Variants in UBE2H observed in about 807,000 individuals in gnomAD.
The protein encoded by UBE2H is ubiquitin-conjugating enzyme E2 H.
Under a neutral mutation model 29.0 loss-of-function variants are expected in UBE2H, and 3 were observed. The ratio of observed to expected loss-of-function variants is 0.10; its 90% confidence interval spans 0.05 to 0.27. The LOEUF (loss-of-function observed/expected upper bound fraction) is 0.27, where lower values mean the gene tolerates loss of function less well. Ranked by LOEUF, UBE2H falls within the 10% of genes least tolerant of loss-of-function variation. UBE2H has a pLI of 1.00. For synonymous variants in UBE2H, 69 were observed against 82.9 expected (o/e 0.83, Z 0.91); for missense variants, 68 against 228.2 (o/e 0.30, Z 4.52).
At chr7:129,912,631 C>T (rs1806960141) in intron 1 of UBE2H, among the ~76,000 whole-genome samples, 1 of 152,074 alleles carries the variant, frequency 6.6e-6, no homozygotes, top group Admixed American at 6.5e-5. Context: ...TGGAATTTTC[C>T]ACTTGTGTTA....
Position 129,872,845 on chromosome 7 carries a change from C to CAAAAAAAAA in UBE2H, c.205+6714_205+6722dup, listed in dbSNP as rs34001143. Among the ~76,000 whole-genome samples, 634 of 71,992 alleles carry CAAAAAAAAA rather than the reference C, an allele frequency of 8.8e-3. 36 individuals carry two copies. Among genetic ancestry groups the CAAAAAAAAA allele is most frequent in the Non-Finnish European group, 0.011 (458 of 40,324 alleles). The allele number at this position is 71,992 out of a possible 152,430, so 47.2% of individuals were successfully genotyped here. ...TAGGTGACAGAGCAACACTCCGTCT[C>CAAAAAAAAA]AAAAAAAAAAAAAAAAAAAAAAAAA... On this transcript the variant is annotated intron_variant, in intron 3 of 6. Coordinates refer to ENST00000355621, the MANE Select transcript of UBE2H (RefSeq NM_003344.4).
intron 1 of UBE2H, among the ~76,000 whole-genome samples, chr7:129,902,273 T>A (rs1027804681): frequency 1.3e-5 from 2 of 152,144 alleles, no homozygotes; most frequent in African/African-American, 4.8e-5. Flanking sequence ...CCGAGGCGGA[T>A]GGATCACCTG....
At chr7:129,902,661 G>A in intron 1 of UBE2H, among the ~76,000 whole-genome samples, 1 of 152,152 alleles carries the variant, frequency 6.6e-6, no homozygotes, top group Non-Finnish European at 1.5e-5. Context: ...TGTTAGAAAT[G>A]AACACACTGG....
chr7:129,871,227 G>A lies in UBE2H; in HGVS notation c.205+8341C>T, dbSNP rs1202281488. The stretch of plus-strand genomic sequence containing the variant: ...AGGTATCCAATAACTTTGTGAAACT[G>A]ATTGGAAGGATGATGTATGCCACAG... On this transcript the variant is annotated intron_variant, in intron 3 of 6. Coordinates refer to ENST00000355621, the MANE Select transcript of UBE2H (RefSeq NM_003344.4). Among the ~76,000 whole-genome samples the A allele has an allele frequency of 1.4e-4, 21 of 152,328 alleles. No homozygotes were observed. In the South Asian group the frequency reaches 4.3e-3, roughly 32 times the overall value.
chr7:129,835,119 C>T (rs1263071536), intron 6 of UBE2H, 58 bp from the exon 7 acceptor site: 27 of 1,605,628 alleles, frequency 1.7e-5, no homozygotes, highest in Middle Eastern at 1.7e-4. Flanking sequence ...TGTGCTTTGG[C>T]GACCCCAAAA....
At chr7:129,872,356 T>A (rs1806056227) in intron 3 of UBE2H, among the ~76,000 whole-genome samples, 2 of 152,134 alleles carry the variant, frequency 1.3e-5, no homozygotes, top group African/African-American at 4.8e-5. Context: ...AGACATAAGA[T>A]AAAATGGTAA....
chr7:129,909,792 A>G (rs1300114010), intron 1 of UBE2H, among the ~76,000 whole-genome samples: 2 of 152,320 alleles, frequency 1.3e-5, no homozygotes, highest in Non-Finnish European at 2.9e-5. Context: ...GACGCAATAC[A>G]AACAGTTCTA....
chr7:129,932,007 A>G (rs1807412751), intron 1 of UBE2H, among the ~76,000 whole-genome samples: 1 of 151,610 alleles, frequency 6.6e-6, no homozygotes, highest in African/African-American at 2.4e-5. Context: ...TACTTTTAGT[A>G]GAGATGGGGT....
chr7:129,861,882 C>A (rs577531008), intron 3 of UBE2H, among the ~76,000 whole-genome samples: 4 of 152,052 alleles, frequency 2.6e-5, no homozygotes, highest in Non-Finnish European at 5.9e-5. Context: ...AGCTAGACTC[C>A]GTTTCCAAAA....
At chr7:129,925,303 C>T (rs751213382) in intron 1 of UBE2H, among the ~76,000 whole-genome samples, 119 of 151,752 alleles carry the variant, frequency 7.8e-4, no homozygotes, top group Non-Finnish European at 8.2e-4. Flanking sequence ...GCCAAGATTA[C>T]GCCACTGCAC....
intron 3 of UBE2H, among the ~76,000 whole-genome samples, chr7:129,860,536 T>TGC (rs923150226): frequency 3.3e-5 from 5 of 152,212 alleles, no homozygotes; most frequent in African/African-American, 1.2e-4. Flanking sequence ...ATGTCCCAGA[T>TGC]GCCCCATGAG....
chr7:129,906,521 T>C (rs764985350), intron 1 of UBE2H, among the ~76,000 whole-genome samples: 6 of 152,052 alleles, frequency 3.9e-5, no homozygotes, highest in Non-Finnish European at 8.8e-5. Context: ...AAGCCAGTAT[T>C]TAAGAGAAGA....
At chr7:129,843,884 CA>C (rs1805469618) in intron 5 of UBE2H, among the ~76,000 whole-genome samples, 1 of 152,164 alleles carries the variant, frequency 6.6e-6, no homozygotes, top group African/African-American at 2.4e-5. Flanking sequence ...AAAAACAAAG[CA>C]TAGGTTTTAT....
chr7:129,926,637 A>G (rs1190751691), intron 1 of UBE2H, among the ~76,000 whole-genome samples: 1 of 152,134 alleles, frequency 6.6e-6, no homozygotes, highest in African/African-American at 2.4e-5. Context: ...TATCTCAATC[A>G]TTCTCATATA....
At chr7:129,943,238 A>G (rs937509977) in intron 1 of UBE2H, among the ~76,000 whole-genome samples, 2 of 151,822 alleles carry the variant, frequency 1.3e-5, no homozygotes, top group African/African-American at 4.8e-5. Flanking sequence ...GCATGATCTT[A>G]ACTCACCACA....
At chr7:129,868,586 C>CAAAAAAAA (rs11356893) in intron 3 of UBE2H, among the ~76,000 whole-genome samples, 3 of 69,512 alleles carry the variant, frequency 4.3e-5, no homozygotes, top group Non-Finnish European at 7.4e-5. Context: ...GACTCCGTCT[C>CAAAAAAAA]AAAAAAAAAA....
At chr7:129,841,544 T>C (rs1182815750) in intron 5 of UBE2H, among the ~76,000 whole-genome samples, 5 of 152,260 alleles carry the variant, frequency 3.3e-5, no homozygotes, top group Non-Finnish European at 5.9e-5. Context: ...TATTTAATTC[T>C]AATTAAATTT....
intron 1 of UBE2H, among the ~76,000 whole-genome samples, chr7:129,918,653 A>G (rs1483618375): frequency 2.0e-5 from 3 of 152,226 alleles, no homozygotes; most frequent in Non-Finnish European, 4.4e-5. Context: ...ATTTGACAAT[A>G]AAAAACACCT....
intron 5 of UBE2H, among the ~76,000 whole-genome samples, chr7:129,853,949 C>T (rs76114703): frequency 1.6e-3 from 245 of 152,232 alleles, no homozygotes; most frequent in African/African-American, 5.7e-3. Flanking sequence ...ATCGAATCTA[C>T]AGCAGAGGAA....
Sources: gnomAD v4.1 joint callset for allele counts (sites outside exome capture counted in the v4.1 genomes callset) on GRCh38, gnomAD v4.1.1 for gene constraint, MANE v1.5 for transcripts, NCBI Gene and HGNC (gene_info 2026-07-23, HGNC 2026-07-21) for gene names.